NSD1: variants seen among roughly 807,000 people sequenced by gnomAD.
NSD1 encodes histone-lysine N-methyltransferase, H3 lysine-36 specific.
NSD1 carries 26 observed loss-of-function variants against 242.7 expected under a neutral mutation model. That is an observed-to-expected ratio of 0.11 (90% CI 0.08 to 0.15). The LOEUF is 0.15. Ranked by LOEUF, NSD1 falls within the 10% of genes least tolerant of loss-of-function variation. The pLI is 1.00. For missense variants in NSD1, 2,495 were observed against 3,272.8 expected (o/e 0.76, Z 5.80); for synonymous variants, 1,106 against 1,178.1 (o/e 0.94, Z 1.25).
At chr5:177,265,374 A>G (rs956031481) in intron 14 of NSD1, 3 of 599,176 alleles carry the variant, frequency 5.0e-6, no homozygotes, top group Non-Finnish European at 8.8e-6. Context: ...TCCCAGCTGA[A>G]GATTTATTGG....
In NSD1 at chr5:177,238,206, T is replaced by C; in HGVS notation, c.3922-31T>C. 1 of 1,613,792 alleles carries C rather than the reference T, an allele frequency of 6.2e-7. No individual in the cohort carries two copies. The highest frequency in any genetic ancestry group is 2.2e-5 in the East Asian group (1 of 44,886). On this transcript the variant is annotated intron_variant, in intron 6 of 22. Coordinates refer to ENST00000439151, the MANE Select transcript of NSD1 (RefSeq NM_022455.5). The surrounding 1 kb of genome is among the most constrained non-coding windows in gnomAD (Gnocchi z 4.6). ...CACTTAAATTACAACAATTTTGGCC[T>C]GTGGACTCTATTTTTATTTTTTGTT...
At chr5:177,171,292 C>T (rs554884474) in intron 2 of NSD1, among the ~76,000 whole-genome samples, 1 of 151,400 alleles carries the variant, frequency 6.6e-6, no homozygotes, top group Non-Finnish European at 1.5e-5. Context: ...GGCGACAGAG[C>T]GAGACTCCGT....
intron 9 of NSD1, among the ~76,000 whole-genome samples, chr5:177,246,064 G>C (rs1766270502): frequency 6.6e-6 from 1 of 151,068 alleles, no homozygotes; most frequent in African/African-American, 2.4e-5. Context: ...TCTACCTCCT[G>C]GTTTCAAGTG....
intron 20 of NSD1, among the ~76,000 whole-genome samples, chr5:177,286,604 CCT>C (rs1191483569): frequency 4.6e-5 from 7 of 152,182 alleles, no homozygotes; most frequent in African/African-American, 1.4e-4. Context: ...GGATGTCACA[CCT>C]CTCTCATTCT....
chr5:177,212,322 C>A (rs2149850352), intron 5 of NSD1, 127 bp downstream of exon 5: 2 of 909,712 alleles, frequency 2.2e-6, no homozygotes, highest in Non-Finnish European at 3.4e-6. Context: ...ATCATCACTT[C>A]AATGAAGAAG....
At chr5:177,228,950 A>G (rs993546047) in intron 5 of NSD1, among the ~76,000 whole-genome samples, 1 of 152,086 alleles carries the variant, frequency 6.6e-6, no homozygotes, top group Admixed American at 6.6e-5. Context: ...TCTTCCTACC[A>G]CTAGTCCTAG....
intron 6 of NSD1, among the ~76,000 whole-genome samples, chr5:177,237,699 A>G (rs1237093510): frequency 6.6e-6 from 1 of 151,526 alleles, no homozygotes; most frequent in African/African-American, 2.4e-5. Flanking sequence ...CACCTGGCTA[A>G]TTTTTTGCAT....
chr5:177,252,581 A>T, intron 12 of NSD1, among the ~76,000 whole-genome samples: 1 of 97,718 alleles, frequency 1.0e-5, no homozygotes, highest in Admixed American at 1.6e-4. Context: ...ATAAGAGATG[A>T]GGTCTTGTTG....
chr5:177,195,811 A>G (rs1368541773), intron 3 of NSD1, among the ~76,000 whole-genome samples: 1 of 152,126 alleles, frequency 6.6e-6, no homozygotes, highest in African/African-American at 2.4e-5. Flanking sequence ...AGTCCATGCT[A>G]TTTATTTGAC....
rs1457964040 is a variant in NSD1, at chr5:177,279,609, A to ATTTTT, written c.5623-956_5623-955insTTTTT. The stretch of plus-strand genomic sequence containing the variant: ...GTTCACCTGGCTTATCAGCTTTGAA[A>ATTTTT]ATTTTTTTTTTTTTTTTTTTTTTTT... On this transcript the variant is annotated intron_variant, in intron 17 of 22. Transcript: ENST00000439151. Among the ~76,000 whole-genome samples, 70 of 107,810 alleles carry ATTTTT rather than the reference A, an allele frequency of 6.5e-4. 3 individuals carry two copies. Among genetic ancestry groups the ATTTTT allele is most frequent in the African/African-American group, 2.4e-3 (63 of 26,118 alleles). The allele number at this position is 107,810 out of a possible 152,430, so 70.7% of individuals were successfully genotyped here.
rs568174579 is a variant in NSD1, at chr5:177,159,330, GC to G, written c.927+23301del. On this transcript the variant is annotated intron_variant, in intron 2 of 22. Transcript: ENST00000439151. ...GACACAGTCTCACTCGGTTGTCCAG[GC>G]TGGAGTGCGGTGGCAGTATCTTGGC... Among the ~76,000 whole-genome samples, 120 of 151,632 alleles carry G rather than the reference GC, an allele frequency of 7.9e-4. 1 individual carries two copies. Among genetic ancestry groups the G allele is most frequent in the African/African-American group, 2.8e-3 (117 of 41,336 alleles).
chr5:177,263,075 G>GA (rs1239195514), intron 14 of NSD1, among the ~76,000 whole-genome samples: 1 of 152,172 alleles, frequency 6.6e-6, no homozygotes, highest in Admixed American at 6.5e-5. Context: ...TACACATACT[G>GA]ATGTCTCTTA....
At chr5:177,144,948 G>C (rs972717250) in intron 2 of NSD1, among the ~76,000 whole-genome samples, 1 of 151,922 alleles carries the variant, frequency 6.6e-6, no homozygotes, top group Admixed American at 6.6e-5. Context: ...AGCTGGGTGT[G>C]GTGGCACGTG....
Position 177,197,492 on chromosome 5 carries a change from G to A in NSD1, c.1063+5473G>A, listed in dbSNP as rs533107166. Among the ~76,000 whole-genome samples, 14 of 152,210 alleles carry A rather than the reference G, an allele frequency of 9.2e-5. No individual in the cohort carries two copies. The South Asian group carries it at 2.7e-3, about 29-fold the overall frequency. On this transcript the variant is annotated intron_variant, in intron 3 of 22. Coordinates refer to ENST00000439151, the MANE Select transcript of NSD1 (RefSeq NM_022455.5). ...AAAACATTAGCTGGGCAGGGTGGCG[G>A]GCGCCTGTAGTCCCAGCTACTTGGC...
intron 5 of NSD1, among the ~76,000 whole-genome samples, chr5:177,217,981 T>TA (rs906576924): frequency 7.9e-5 from 12 of 152,216 alleles, no homozygotes; most frequent in African/African-American, 2.9e-4. Flanking sequence ...AGTGGTGATA[T>TA]GGCTCACTGC....
intron 5 of NSD1, among the ~76,000 whole-genome samples, chr5:177,233,828 T>C (rs1435719070): frequency 1.3e-5 from 2 of 152,228 alleles, no homozygotes; most frequent in Non-Finnish European, 2.9e-5. Flanking sequence ...AAATAATGTT[T>C]ATGCCATGTG....
chr5:177,202,248 G>A (rs996890001), intron 3 of NSD1, among the ~76,000 whole-genome samples: 2 of 149,350 alleles, frequency 1.3e-5, no homozygotes, highest in East Asian at 1.9e-4. Flanking sequence ...TAAGAAATAA[G>A]TGTTTATTTT....
Position 177,280,728 on chromosome 5 carries a change from G to A in NSD1, c.5786G>A (p.Gly1929Glu). 1 of 1,614,196 alleles carries A rather than the reference G, an allele frequency of 6.2e-7. No individual in the cohort carries two copies. The highest frequency in any genetic ancestry group is 8.5e-7 in the Non-Finnish European group (1 of 1,180,042). ...ECHPTVCPAG[G>E]RCQNQCFSKR... Reference sequence around the variant, plus strand: ...CACCCCACAGTGTGTCCTGCCGGAGGGCGCTGTCAAAACCAGTGCTTTTCC... The same window carrying A: ...CACCCCACAGTGTGTCCTGCCGGAGAGCGCTGTCAAAACCAGTGCTTTTCC... The change falls in exon 18 of 23, where the codon GGG becomes GAG. Residue 1929 changes from glycine to glutamate, a missense_variant. Gly to Glu is a moderately conservative substitution (Grantham distance 98). This residue lies in a region of NSD1 where 114 missense variants were observed against 247.4 expected (regional missense o/e 0.46). Transcript: ENST00000439151.
chr5:177,197,200 G>T (rs535304020), intron 3 of NSD1, among the ~76,000 whole-genome samples: 1 of 151,770 alleles, frequency 6.6e-6, no homozygotes, highest in Admixed American at 6.6e-5. Flanking sequence ...AACTTGGGAG[G>T]TGGAAGTTGC....
Sources: allele counts gnomAD v4.1 joint callset (sites outside exome capture counted in the v4.1 genomes callset), GRCh38; gene constraint gnomAD v4.1.1; regional missense constraint gnomAD v4.1.1; non-coding constraint Gnocchi (gnomAD v3.1); transcripts MANE v1.5; gene names NCBI Gene and HGNC (gene_info 2026-07-23, HGNC 2026-07-21).